Variants in TMEM233 observed in about 807,000 individuals in gnomAD.
TMEM233 encodes dispanin subfamily B member 2.
TMEM233 carries 6 observed loss-of-function variants against 11.2 expected under a neutral mutation model. The observed-to-expected ratio is 0.54, with a 90% confidence interval of 0.29 to 1.06. TMEM233 has a LOEUF of 1.06. TMEM233 is among the 50% of genes least tolerant of loss of function. The pLI, the probability that TMEM233 is intolerant of heterozygous loss-of-function variation, is 0.08. For synonymous variants in TMEM233, 59 were observed against 55.8 expected (o/e 1.06, Z -0.26); for missense variants, 127 against 144.7 (o/e 0.88, Z 0.63).
the TMEM233 span, among the ~76,000 whole-genome samples, chr12:119,651,590 G>A: frequency 6.6e-6 from 1 of 151,906 alleles, no homozygotes; most frequent in Admixed American, 6.6e-5. Context: ...AGGCAGAGGT[G>A]GGTGGATCAT....
chr12:119,653,608 A>C, the TMEM233 span, among the ~76,000 whole-genome samples: 1 of 151,998 alleles, frequency 6.6e-6, no homozygotes, highest in Non-Finnish European at 1.5e-5. Flanking sequence ...GAAGCTATGC[A>C]ATGTAAAAAA....
chr12:119,640,369 G>A (rs1187465207), intron 2 of TMEM233, among the ~76,000 whole-genome samples: 2 of 152,012 alleles, frequency 1.3e-5, no homozygotes, highest in Non-Finnish European at 2.9e-5. Flanking sequence ...TGTTAGCCAG[G>A]ATGGTCTCTA....
intron 1 of TMEM233, among the ~76,000 whole-genome samples, chr12:119,616,844 TC>T (rs955894522): frequency 6.6e-6 from 1 of 152,132 alleles, no homozygotes; most frequent in Non-Finnish European, 1.5e-5. Context: ...GTAAGGGGCT[TC>T]CCCCTTCGCT....
chr12:119,605,654 C>G (rs1205209382), intron 1 of TMEM233, among the ~76,000 whole-genome samples: 1 of 152,138 alleles, frequency 6.6e-6, no homozygotes, highest in East Asian at 1.9e-4. Context: ...GTCTTGAACT[C>G]CTGTGCTCAA....
chr12:119,631,865 G>A (rs74363687), intron 2 of TMEM233, among the ~76,000 whole-genome samples: 1,634 of 152,334 alleles, frequency 0.011, 32 homozygotes, highest in African/African-American at 0.037. Flanking sequence ...CACAGAATGT[G>A]TAGGTTGGTG....
rs147496150 is a variant in TMEM233, at chr12:119,616,602, C to A, written c.187-13134C>A. On this transcript the variant is annotated intron_variant, in intron 1 of 2. Transcript: ENST00000426426. The stretch of plus-strand genomic sequence containing the variant: ...TTACAAGGAGTCACAGGGAGAATTT[C>A]TCTGTGGTGATGGAGCATTTCTGTT... Among the ~76,000 whole-genome samples, 19 of 152,262 alleles carry A rather than the reference C, an allele frequency of 1.2e-4. No homozygotes were observed. The East Asian group carries it at 3.1e-3, about 25-fold the overall frequency.
At chr12:119,653,236 C>CA in the TMEM233 span, among the ~76,000 whole-genome samples, 1 of 151,506 alleles carries the variant, frequency 6.6e-6, no homozygotes, top group Non-Finnish European at 1.5e-5. Flanking sequence ...ATCAAAAATA[C>CA]AAAAAATTAA....
chr12:119,639,429 A>G (rs1004207036), intron 2 of TMEM233, among the ~76,000 whole-genome samples: 5 of 149,076 alleles, frequency 3.4e-5, no homozygotes, highest in African/African-American at 1.2e-4. Context: ...CATCCTGGCT[A>G]ACATGGTGAA....
intron 1 of TMEM233, among the ~76,000 whole-genome samples, chr12:119,619,515 C>T (rs911995532): frequency 6.6e-5 from 10 of 151,996 alleles, no homozygotes; most frequent in African/African-American, 2.4e-4. Flanking sequence ...GTAGCACTCA[C>T]CTGTAGTCCC....
At chr12:119,625,871 CATT>C (rs1288379633) in intron 1 of TMEM233, among the ~76,000 whole-genome samples, 2 of 152,248 alleles carry the variant, frequency 1.3e-5, no homozygotes, top group African/African-American at 4.8e-5. Context: ...AGAAATTTAA[CATT>C]ATTATTATCT....
intron 1 of TMEM233, among the ~76,000 whole-genome samples, chr12:119,621,331 A>C (rs1954638372): frequency 6.6e-6 from 1 of 152,030 alleles, no homozygotes; most frequent in African/African-American, 2.4e-5. Flanking sequence ...GAATCACTGC[A>C]CCTGGCATCC....
intron 1 of TMEM233, among the ~76,000 whole-genome samples, chr12:119,606,284 G>A (rs367976172): frequency 6.8e-6 from 1 of 148,010 alleles, no homozygotes; most frequent in Non-Finnish European, 1.5e-5. Context: ...ATGGAGGGGA[G>A]TATAAGGAGG....
At chr12:119,624,130 G>C (rs2136751289) in intron 1 of TMEM233, among the ~76,000 whole-genome samples, 1 of 151,948 alleles carries the variant, frequency 6.6e-6, no homozygotes, top group Non-Finnish European at 1.5e-5. Flanking sequence ...CAGGTGGATT[G>C]CTTGAGGTCA....
chr12:119,604,533 T>C (rs1054511402), intron 1 of TMEM233, among the ~76,000 whole-genome samples: 3 of 152,218 alleles, frequency 2.0e-5, no homozygotes, highest in South Asian at 2.1e-4. Flanking sequence ...TATGGGAAGA[T>C]TGCATGGTAC....
intron 2 of TMEM233, among the ~76,000 whole-genome samples, chr12:119,636,615 AG>A (rs1333756603): frequency 3.9e-5 from 6 of 152,162 alleles, no homozygotes. Context: ...CACCACACCC[AG>A]CTCTTTTCAT....
intron 1 of TMEM233, among the ~76,000 whole-genome samples, chr12:119,625,331 A>G (rs1414977910): frequency 6.6e-6 from 1 of 151,834 alleles, no homozygotes; most frequent in East Asian, 1.9e-4. Context: ...CTGTAATTTC[A>G]CAGCACTGAC....
intron 1 of TMEM233, among the ~76,000 whole-genome samples, chr12:119,611,396 G>C (rs1288053865): frequency 2.0e-5 from 3 of 152,048 alleles, no homozygotes; most frequent in African/African-American, 7.2e-5. Flanking sequence ...TATTTTTGAG[G>C]TTTTGATTTG....
intron 1 of TMEM233, among the ~76,000 whole-genome samples, chr12:119,622,551 C>A (rs561298752): frequency 2.0e-4 from 30 of 152,202 alleles, no homozygotes; most frequent in African/African-American, 6.7e-4. Context: ...TCACATCTGC[C>A]AGGAGAACCT....
intron 1 of TMEM233, among the ~76,000 whole-genome samples, chr12:119,605,555 G>A (rs1020580895): frequency 2.6e-5 from 4 of 151,198 alleles, no homozygotes; most frequent in Admixed American, 2.0e-4. Flanking sequence ...CAGCCTCCCA[G>A]GCAGCTGGAA....
Sources: gnomAD v4.1 joint callset for allele counts (sites outside exome capture counted in the v4.1 genomes callset) on GRCh38, gnomAD v4.1.1 for gene constraint, MANE v1.5 for transcripts, NCBI Gene and HGNC (gene_info 2026-07-23, HGNC 2026-07-21) for gene names.